Variants in RELCH observed in about 807,000 individuals in gnomAD.
RELCH encodes RAB11-binding protein RELCH.
In RELCH, 41 loss-of-function variants were observed where a neutral mutation model predicts 150.3. That is an observed-to-expected ratio of 0.27 (90% CI 0.21 to 0.35). The LOEUF (loss-of-function observed/expected upper bound fraction) is 0.35. RELCH is among the 10% of genes least tolerant of loss of function. The pLI is 1.00. For synonymous variants in RELCH, 478 were observed against 531.8 expected (o/e 0.90, Z 1.39); for missense variants, 1,092 against 1,467.8 (o/e 0.74, Z 4.18).
chr18:62,193,988 G>A (rs1280217527), intron 1 of RELCH, among the ~76,000 whole-genome samples: 1 of 150,532 alleles, frequency 6.6e-6, no homozygotes, highest in African/African-American at 2.4e-5. Context: ...GCTCACACCT[G>A]TAATCCCAGC....
At chr18:62,287,888 T>C (rs9947367) in intron 26 of RELCH, among the ~76,000 whole-genome samples, 22,032 of 152,038 alleles carry the variant, frequency 0.14, 1,976 homozygotes, top group African/African-American at 0.26. Context: ...GAGTATCTCT[T>C]AGAGAGATAT....
Position 62,287,414 on chromosome 18 carries a change from G to A in RELCH, c.3317G>A (p.Arg1106Lys), listed in dbSNP as rs774614346. Residue 1106 changes from arginine (R) to lysine (K), a missense_variant, in exon 26 of 29, where the codon AGA becomes AAA. Coordinates refer to ENST00000644646, the MANE Select transcript of RELCH (RefSeq NM_001346231.2). ...AACTTACAGATTGTGGATTCTAAAAGACTGGACATTGCTACGCATCTTTTT... is the reference window on the plus strand; with the variant it reads ...AACTTACAGATTGTGGATTCTAAAAAACTGGACATTGCTACGCATCTTTTT... The part of the protein sequence containing the change: ...VNNLQIVDSK[R>K]LDIATHLFEA... The A allele has an allele frequency of 5.0e-6, 8 of 1,610,704 alleles. No individual in the cohort carries two copies. The highest frequency in any genetic ancestry group is 2.7e-5 in the African/African-American group (2 of 74,770).
chr18:62,189,450 G>A (rs1457681017), intron 1 of RELCH, among the ~76,000 whole-genome samples: 5 of 151,920 alleles, frequency 3.3e-5, no homozygotes, highest in African/African-American at 7.3e-5. Context: ...CCTTTAGCCC[G>A]TTTGTATGTG....
chr18:62,199,052 A>G (rs1036564262), intron 1 of RELCH, among the ~76,000 whole-genome samples: 15 of 150,372 alleles, frequency 1.0e-4, no homozygotes, highest in African/African-American at 3.6e-4. Context: ...TTGAATATTT[A>G]TATTTATTAT....
intron 24 of RELCH, 114 bp from the exon 25 acceptor site, chr18:62,282,192 A>G (rs912975687): frequency 2.7e-6 from 2 of 742,772 alleles, no homozygotes; most frequent in Non-Finnish European, 4.5e-6. Flanking sequence ...TCATTGGACT[A>G]TAGGTTGCTT....
At chr18:62,249,719 G>A (rs1345835172) in intron 11 of RELCH, among the ~76,000 whole-genome samples, 1 of 151,468 alleles carries the variant, frequency 6.6e-6, no homozygotes, top group Admixed American at 6.6e-5. Flanking sequence ...AGGTCAAGGT[G>A]CATCAGGGAT....
At chr18:62,192,370 G>A (rs902895614) in intron 1 of RELCH, among the ~76,000 whole-genome samples, 1 of 152,164 alleles carries the variant, frequency 6.6e-6, no homozygotes, top group East Asian at 1.9e-4. Context: ...TTATTTTGCT[G>A]TGCAGAAGCT....
At chr18:62,213,199 A>G (rs990534577) in intron 2 of RELCH, among the ~76,000 whole-genome samples, 2 of 152,078 alleles carry the variant, frequency 1.3e-5, no homozygotes, top group East Asian at 3.9e-4. Context: ...ATTTTAGTTT[A>G]TTTAGAGACT....
At chr18:62,293,476 G>A (rs190304202) in intron 27 of RELCH, among the ~76,000 whole-genome samples, 2 of 151,896 alleles carry the variant, frequency 1.3e-5, no homozygotes, top group Admixed American at 1.3e-4. Flanking sequence ...CAACTGCTTG[G>A]GTGAGACCTA....
intron 5 of RELCH, among the ~76,000 whole-genome samples, chr18:62,225,575 CGT>C (rs1389107945): frequency 6.6e-6 from 1 of 151,862 alleles, no homozygotes; most frequent in East Asian, 1.9e-4. Flanking sequence ...AAAATAAGCA[CGT>C]GAAAAAGATT....
chr18:62,282,035 G>A (rs942950675), intron 24 of RELCH, among the ~76,000 whole-genome samples: 5 of 152,006 alleles, frequency 3.3e-5, no homozygotes, highest in Admixed American at 6.6e-5. Context: ...CCCTAAATAC[G>A]GTGGGATTTT....
chr18:62,299,408 C>A (rs1267918353), intron 28 of RELCH, among the ~76,000 whole-genome samples: 2 of 152,112 alleles, frequency 1.3e-5, no homozygotes, highest in African/African-American at 2.4e-5. Flanking sequence ...ACTGAAATAA[C>A]CTTGAGCATC....
chr18:62,193,241 G>T (rs568478474), intron 1 of RELCH, among the ~76,000 whole-genome samples: 7 of 152,284 alleles, frequency 4.6e-5, no homozygotes, highest in Non-Finnish European at 4.4e-5. Context: ...CTTTGCTGTA[G>T]TTGCCTATCA....
At chr18:62,272,983 T>C (rs1029677756) in intron 20 of RELCH, among the ~76,000 whole-genome samples, 3 of 151,960 alleles carry the variant, frequency 2.0e-5, no homozygotes, top group Non-Finnish European at 2.9e-5. Context: ...TGTTAACCAT[T>C]ACTTTTGTCA....
At chr18:62,276,957 C>A (rs1288544488) in intron 22 of RELCH, among the ~76,000 whole-genome samples, 3 of 152,038 alleles carry the variant, frequency 2.0e-5, no homozygotes, top group African/African-American at 7.2e-5. Context: ...ATCAGTCTCT[C>A]CTCTCCCCAA....
chr18:62,285,375 C>T (rs1282442285), intron 25 of RELCH: 1 of 152,140 alleles, frequency 6.6e-6, no homozygotes, highest in African/African-American at 2.4e-5. Flanking sequence ...AATCCTTGTT[C>T]AATCTGCCCT....
Position 62,286,057 on chromosome 18 carries a change from T to G in RELCH, c.3254-1294T>G, listed in dbSNP as rs887286166. The G allele has an allele frequency of 9.9e-5, 15 of 152,152 alleles. 3 individuals carry two copies. Among genetic ancestry groups the G allele is most frequent in the Admixed American group, 9.2e-4 (14 of 15,280 alleles). 9.4% of individuals were successfully genotyped at this position (152,152 alleles called of 1,614,324 possible). On this transcript the variant is annotated intron_variant, in intron 25 of 28. Coordinates refer to ENST00000644646, the MANE Select transcript of RELCH (RefSeq NM_001346231.2). ...ATAGATTTCTTCTAGTCAAGCAATT[T>G]TAAGGGGATATTATGCAGTGTGATT...
intron 28 of RELCH, among the ~76,000 whole-genome samples, chr18:62,303,142 G>A (rs1319602665): frequency 6.6e-6 from 1 of 151,674 alleles, no homozygotes; most frequent in Non-Finnish European, 1.5e-5. Context: ...TGGGGTGGGG[G>A]CGGAATTGCT....
chr18:62,231,393 A>T, intron 9 of RELCH, 124 bp downstream of exon 9: 1 of 590,800 alleles, frequency 1.7e-6, no homozygotes, highest in Non-Finnish European at 2.9e-6. Context: ...TCCATTATGT[A>T]AAATAATGCT....
Sources: allele counts gnomAD v4.1 joint callset (sites outside exome capture counted in the v4.1 genomes callset), GRCh38; gene constraint gnomAD v4.1.1; transcripts MANE v1.5; gene names NCBI Gene and HGNC (gene_info 2026-07-23, HGNC 2026-07-21).